Variants in HJURP observed in about 807,000 individuals in gnomAD.
HJURP encodes the protein 14-3-3-associated AKT substrate.
In HJURP, 49 loss-of-function variants were observed where a neutral mutation model predicts 72.0. That is an observed-to-expected ratio of 0.68 (90% confidence interval 0.54 to 0.86). HJURP has a LOEUF of 0.86. Among genes scored for constraint, HJURP ranks in the 40% least tolerant of loss-of-function variants. The probability of loss-of-function intolerance (pLI) is 0.00; values close to 1 mark genes in which losing one functional copy is unlikely to be tolerated. For synonymous variants in HJURP, 357 were observed against 347.1 expected, an observed-to-expected ratio of 1.03 and a Z score of -0.32; for missense variants, 908 against 936.3, an observed-to-expected ratio of 0.97 and a Z score of 0.39.
chr2:233,849,930 A>G, intron 3 of HJURP, 71 bp from the exon 4 acceptor site: 2 of 870,518 alleles, frequency 2.3e-6, no homozygotes, highest in East Asian at 5.3e-5. Flanking sequence ...CCGCAAAATA[A>G]TAAAACTGCA....
At chr2:233,842,293 G>C in intron 7 of HJURP, 88 bp from the exon 8 acceptor site, 1 of 1,188,804 alleles carries the variant, frequency 8.4e-7, no homozygotes, top group Non-Finnish European at 1.2e-6. Context: ...GATTGGATCA[G>C]GACTATGTTT....
rs773812300 is a variant in HJURP at position 233,844,315 on chromosome 2, A to G, written c.496-32T>C. On this transcript the variant is annotated intron_variant, in intron 6 of 8. Coordinates refer to ENST00000411486, the MANE Select transcript of HJURP (RefSeq NM_018410.5). The stretch of plus-strand genomic sequence containing the variant: ...TCAGAGCCAGTGGTTACAAGAAAAA[A>G]GTTGCCAGGTGTCAACTGGGTGCAA... The G allele has an allele frequency of 1.9e-6, 3 of 1,593,924 alleles. No individual in the cohort carries two copies. In the Admixed American group the frequency reaches 5.0e-5, roughly 27 times the overall value.
intron 3 of HJURP, among the ~76,000 whole-genome samples, chr2:233,850,070 G>A (rs1348763419): frequency 2.0e-5 from 3 of 152,230 alleles, no homozygotes; most frequent in Non-Finnish European, 4.4e-5. Context: ...AGCGGGGGCT[G>A]CTACTTAAAA....
chr2:233,842,356 T>A (rs1705254859), intron 7 of HJURP, 151 bp from the exon 8 acceptor site: 2 of 623,078 alleles, frequency 3.2e-6, no homozygotes, highest in Non-Finnish European at 5.4e-6. Context: ...AGTAGACTCT[T>A]CTCAGAGATA....
chr2:233,843,235 C>T (rs28900706), intron 7 of HJURP, among the ~76,000 whole-genome samples: 3 of 152,112 alleles, frequency 2.0e-5, no homozygotes, highest in African/African-American at 7.2e-5. Flanking sequence ...GCGGGGACCT[C>T]CACCCAGGCG....
At chr2:233,844,120 G>T in intron 7 of HJURP, 85 bp downstream of exon 7, 2 of 978,128 alleles carry the variant, frequency 2.0e-6, no homozygotes, top group Non-Finnish European at 3.3e-6. Flanking sequence ...GGCGTGGCCA[G>T]TATGAGCAGC....
chr2:233,847,901 A>G (rs573874256), intron 4 of HJURP, among the ~76,000 whole-genome samples: 1 of 152,356 alleles, frequency 6.6e-6, no homozygotes, highest in African/African-American at 2.4e-5. Flanking sequence ...ACTAATTTAA[A>G]TATCATCCAG....
rs781193461 is a variant in HJURP, at chr2:233,841,895, G to A, written c.885C>T (p.Ser295=). The A allele has an allele frequency of 1.2e-6, 2 of 1,614,150 alleles. No homozygotes were observed. Among genetic ancestry groups the A allele is most frequent in the Non-Finnish European group, 1.7e-6 (2 of 1,180,018 alleles). The change falls in exon 8 of 9, where the codon TCC becomes TCT. Residue 295 remains serine (S), a synonymous_variant. Transcript: ENST00000411486. ...TGCTCTTATATCTGTGCCTCCTCCTGGAGTTCCAGTTTTGCATGATGAACG... is the reference window on the plus strand; with the variant it reads ...TGCTCTTATATCTGTGCCTCCTCCTAGAGTTCCAGTTTTGCATGATGAACG... The part of the protein sequence containing the change: ...TKTFIMQNWN[S]RRRHRYKSRM...
chr2:233,853,654 A>C (rs1408396462), intron 2 of HJURP, among the ~76,000 whole-genome samples, 190 bp downstream of exon 2: 1 of 152,260 alleles, frequency 6.6e-6, no homozygotes, highest in Non-Finnish European at 1.5e-5. Context: ...GTGAGCCAGG[A>C]GGCACCTATG....
In HJURP at chr2:233,841,297, T is replaced by C. The variant is rs1057272953; in HGVS notation, c.1483A>G (p.Lys495Glu). 5 of 1,614,046 alleles carry C rather than the reference T, an allele frequency of 3.1e-6. No homozygotes were observed. The African/African-American group carries it at 6.7e-5, about 22-fold the overall frequency. ...LSLPSSKAKAKSLSEAFENLG... is the reference protein window; with the variant it reads ...LSLPSSKAKAESLSEAFENLG... Reference sequence around the variant, plus strand: ...TTTTCAAAAGCCTCACTTAAACTTTTTGCTTTTGCTTTGCTGGAAGGTAAA... The same window carrying C: ...TTTTCAAAAGCCTCACTTAAACTTTCTGCTTTTGCTTTGCTGGAAGGTAAA... Residue 495 changes from lysine (K) to glutamate (E), a missense_variant, in exon 8 of 9, where the codon AAA becomes GAA. This residue lies in a region of HJURP where 598 missense variants were observed against 619.5 expected (regional missense o/e 0.97). Transcript: ENST00000411486.
At chr2:233,850,007 C>A (rs1473403538) in intron 3 of HJURP, 148 bp from the exon 4 acceptor site, 1 of 616,944 alleles carries the variant, frequency 1.6e-6, no homozygotes, top group African/African-American at 1.8e-5. Flanking sequence ...TGCATGTCCA[C>A]TTTATAAGAG....
At chr2:233,852,896 C>T (rs1247771349) in intron 2 of HJURP, among the ~76,000 whole-genome samples, 2 of 152,172 alleles carry the variant, frequency 1.3e-5, no homozygotes, top group Non-Finnish European at 2.9e-5. Context: ...GAACATATGA[C>T]AGCGACTGTC....
At position 233,846,540 on chromosome 2, in the gene HJURP, C is replaced by T. The variant is rs1422603315; in HGVS notation, c.403-720G>A. On this transcript the variant is annotated intron_variant, in intron 5 of 8. Transcript: ENST00000411486. This position sits in a 1 kb window ranked among gnomAD's most constrained non-coding sequence, Gnocchi z 4.3. ...CCTGCTAGACACTGGAAATAGAGGG[C>T]GTCACCCTCTATCCTCTGCTGAGTG... Among the ~76,000 whole-genome samples the T allele has an allele frequency of 4.6e-5, 7 of 152,244 alleles. No individual in the cohort carries two copies. The highest frequency in any genetic ancestry group is 3.3e-4 in the Admixed American group (5 of 15,292).
intron 3 of HJURP, among the ~76,000 whole-genome samples, chr2:233,850,877 C>T (rs562658891): frequency 5.3e-5 from 8 of 152,328 alleles, no homozygotes; most frequent in Non-Finnish European, 1.0e-4. Flanking sequence ...TATAACCAAC[C>T]CAGCACAGGT....
chr2:233,848,984 C>G (rs1439257463), intron 4 of HJURP, among the ~76,000 whole-genome samples: 1 of 152,192 alleles, frequency 6.6e-6, no homozygotes, highest in Non-Finnish European at 1.5e-5. Context: ...GGTTTAAATG[C>G]AATGGAGAGC....
chr2:233,842,452 G>A (rs911734829), intron 7 of HJURP, among the ~76,000 whole-genome samples: 11 of 152,152 alleles, frequency 7.2e-5, no homozygotes, highest in African/African-American at 2.2e-4. Context: ...TTTAGAAGAT[G>A]GATGCCTTTT....
At chr2:233,844,156 A>G (rs375251638) in intron 7 of HJURP, 49 bp downstream of exon 7, 5 of 1,528,664 alleles carry the variant, frequency 3.3e-6, no homozygotes, top group Middle Eastern at 1.7e-4. Context: ...AGCTCCAACA[A>G]AAGTGAAGGA....
chr2:233,840,618 G>T lies in HJURP; in HGVS notation c.2162C>A (p.Ser721Ter). 1 of 1,594,020 alleles carries T rather than the reference G, an allele frequency of 6.3e-7. No individual in the cohort carries two copies. The highest frequency in any genetic ancestry group is 8.5e-7 in the Non-Finnish European group (1 of 1,173,334). The change falls in exon 8 of 9, where the codon TCA becomes TAA. Residue 721 changes from serine to a stop codon, truncating the protein, a stop_gained. Transcript: ENST00000411486. LOFTEE classifies it high-confidence loss of function. ...GDQGSSSQPN[S>*]EERGENTSYR... ...ACAGAAACACACCTACCTCTCTTCTGAGTTGGGCTGTGAAGAGCTGCCCTG... is the reference window on the plus strand; with the variant it reads ...ACAGAAACACACCTACCTCTCTTCTTAGTTGGGCTGTGAAGAGCTGCCCTG...
At chr2:233,852,642 G>T in intron 2 of HJURP, 22 bp from the exon 3 acceptor site, 2 of 1,565,078 alleles carry the variant, frequency 1.3e-6, no homozygotes, top group Middle Eastern at 1.7e-4. Context: ...AAACAAAAAT[G>T]ACCATTTACA....
Sources: allele counts gnomAD v4.1 joint callset (sites outside exome capture counted in the v4.1 genomes callset), GRCh38; gene constraint gnomAD v4.1.1; regional missense constraint gnomAD v4.1.1; non-coding constraint Gnocchi (gnomAD v3.1); transcripts MANE v1.5; gene names NCBI Gene and HGNC (gene_info 2026-07-23, HGNC 2026-07-21).